Variants in AVL9 observed in about 807,000 individuals in gnomAD.
AVL9 encodes AVL9 cell migration associated.
Under a neutral mutation model 79.2 loss-of-function variants are expected in AVL9, and 49 were observed. That is an observed-to-expected ratio of 0.62 (90% confidence interval 0.49 to 0.79). AVL9 has a LOEUF of 0.79. AVL9 is among the 30% of genes least tolerant of loss of function. AVL9 has a pLI of 0.00. For synonymous variants in AVL9, 299 were observed against 280.6 expected (o/e 1.07, Z -0.65); for missense variants, 682 against 776.8 (o/e 0.88, Z 1.45).
chr7:32,545,854 G>A (rs1789471187), intron 3 of AVL9, among the ~76,000 whole-genome samples: 2 of 152,132 alleles, frequency 1.3e-5, no homozygotes, highest in Admixed American at 6.5e-5. Flanking sequence ...CTAAAGTAGT[G>A]AGTGGTTCTT....
chr7:32,505,090 T>A (rs1290344198), intron 1 of AVL9, among the ~76,000 whole-genome samples: 1 of 149,606 alleles, frequency 6.7e-6, no homozygotes, highest in Non-Finnish European at 1.5e-5. Context: ...GCCAGGCTGG[T>A]CTCGAACTCC....
chr7:32,508,501 T>G (rs1176763509), intron 1 of AVL9, among the ~76,000 whole-genome samples: 2 of 152,216 alleles, frequency 1.3e-5, no homozygotes, highest in African/African-American at 4.8e-5. Context: ...TTTCACATTG[T>G]TTTTTCCTAC....
At chr7:32,560,264 AAAC>A (rs150284543) in intron 10 of AVL9, among the ~76,000 whole-genome samples, 107,259 of 150,848 alleles carry the variant, frequency 0.71, 38,620 homozygotes, top group South Asian at 0.85. Flanking sequence ...TATTTTAAAA[AAAC>A]AACAAAGTGA....
chr7:32,554,689 G>C (rs1789983376), intron 8 of AVL9, 93 bp downstream of exon 8: 1 of 845,326 alleles, frequency 1.2e-6, no homozygotes, highest in South Asian at 2.5e-5. Context: ...TAATGATAAA[G>C]TATTAAGATA....
intron 10 of AVL9, among the ~76,000 whole-genome samples, chr7:32,561,480 A>G (rs957895532): frequency 2.0e-5 from 3 of 152,196 alleles, no homozygotes; most frequent in African/African-American, 7.2e-5. Flanking sequence ...CTCAGCTTTC[A>G]TATAATCGAA....
rs190391272 is a variant in AVL9 at position 32,543,495 on chromosome 7, G to A, written c.214+234G>A. ...TGGCCACGCTTCTGCCAAGTGATTA[G>A]CCAGAGCAGGACAGCCACCACTGGA... On this transcript the variant is annotated intron_variant, in intron 2 of 15. Transcript: ENST00000318709. Among the ~76,000 whole-genome samples, 1,019 of 152,318 alleles carry A rather than the reference G, an allele frequency of 6.7e-3. 10 individuals carry two copies. The highest frequency in any genetic ancestry group is 0.013 in the South Asian group (64 of 4,828).
intron 10 of AVL9, among the ~76,000 whole-genome samples, chr7:32,565,551 C>G (rs556903780): frequency 1.3e-3 from 138 of 104,554 alleles, no homozygotes; most frequent in Middle Eastern, 4.8e-3. Context: ...AAGAGCAAAA[C>G]TCCGTCTCAA....
intron 1 of AVL9, among the ~76,000 whole-genome samples, chr7:32,497,637 A>ATGTTGAC (rs11280911): frequency 0.35 from 52,817 of 149,040 alleles, 9,644 homozygotes; most frequent in East Asian, 0.48. Flanking sequence ...GCCGTGGGTC[A>ATGTTGAC]TGTTGACCAT....
chr7:32,525,336 C>G (rs1456000544), intron 1 of AVL9, among the ~76,000 whole-genome samples: 1 of 152,080 alleles, frequency 6.6e-6, no homozygotes, highest in East Asian at 1.9e-4. Context: ...GGTTATTTTA[C>G]CAAGACTTTC....
chr7:32,574,730 G>C (rs1791010683), intron 12 of AVL9, among the ~76,000 whole-genome samples: 1 of 12,178 alleles, frequency 8.2e-5, no homozygotes, highest in Non-Finnish European at 1.7e-4. Context: ...GTTCATAAGA[G>C]GCTTAGGTGG....
At chr7:32,546,188 T>C (rs990547306) in intron 3 of AVL9, among the ~76,000 whole-genome samples, 2 of 151,742 alleles carry the variant, frequency 1.3e-5, no homozygotes, top group African/African-American at 4.8e-5. Flanking sequence ...GAATAATTAG[T>C]AAATCTTTTT....
rs1422313546 is a variant in AVL9, at chr7:32,552,276, A to G, written c.510A>G (p.Glu170=). ...GTTCCTTGGGAGGTGCTTCATTAGA[A>G]GGATCCCAAGTATATCTTGGTAAGT... The part of the protein sequence containing the change: ...MNSSLGGASL[E]GSQVYLGLSP... Residue 170 remains glutamate, a synonymous_variant, in exon 6 of 16, where the codon GAA becomes GAG. Transcript: ENST00000318709. The G allele has an allele frequency of 2.5e-6, 4 of 1,602,018 alleles. No homozygotes were observed. Among genetic ancestry groups the G allele is most frequent in the East Asian group, 2.2e-5 (1 of 44,710 alleles).
intron 6 of AVL9, 79 bp from the exon 7 acceptor site, chr7:32,553,648 C>A: frequency 1.1e-6 from 1 of 943,296 alleles, no homozygotes; most frequent in Non-Finnish European, 1.6e-6. Flanking sequence ...ACCTTTCTTT[C>A]TGTTAAGGGG....
At position 32,584,730 on chromosome 7, in the gene AVL9, T is replaced by C. The variant is rs1360438117; in HGVS notation, c.*823T>C. The C allele has an allele frequency of 4.1e-5, 6 of 148,080 alleles. No homozygotes were observed. The highest frequency in any genetic ancestry group is 8.9e-5 in the Non-Finnish European group (6 of 67,372). 9.2% of individuals were successfully genotyped at this position (148,080 alleles called of 1,614,324 possible). A position where few individuals can be genotyped will look rare whatever the true frequency, so the allele number is the denominator to read the frequency against. On this transcript the variant is annotated 3_prime_UTR_variant, in exon 16 of 16. Coordinates refer to ENST00000318709, the MANE Select transcript of AVL9 (RefSeq NM_015060.3). ...TCATGTTGCAGTCTTACAAGCACTT[T>C]TTTTTTATTCCAGAGTTTGTGCCAT...
intron 1 of AVL9, among the ~76,000 whole-genome samples, chr7:32,508,466 A>G (rs1301213961): frequency 1.3e-5 from 2 of 152,240 alleles, no homozygotes; most frequent in African/African-American, 4.8e-5. Context: ...TAGTATTTCA[A>G]AGTTTCAATA....
Position 32,579,342 on chromosome 7 carries a change from ATATTT to A in AVL9, c.1689-873_1689-869del, listed in dbSNP as rs1369773898. 8.1e-4 allele frequency among the ~76,000 whole-genome samples: 54 copies of A among 66,916 alleles called. 3 individuals are homozygous for A. In the East Asian group the frequency reaches 0.018, roughly 22 times the overall value. 43.9% of individuals were successfully genotyped at this position (66,916 alleles called of 152,430 possible). A position where few individuals can be genotyped will look rare whatever the true frequency, so the allele number is the denominator to read the frequency against. On this transcript the variant is annotated intron_variant, in intron 13 of 15. Coordinates refer to ENST00000318709, the MANE Select transcript of AVL9 (RefSeq NM_015060.3). Reference sequence around the variant, plus strand: ...ATATTTTATATAATATATATAACACATATTTTATATAATATATAACATATATAATA... The same window carrying A: ...ATATTTTATATAATATATATAACACATATATAATATATAACATATATAATA...
At position 32,586,066 on chromosome 7, in the gene AVL9, G is replaced by A. The variant is rs1415805787; in HGVS notation, c.*2159G>A. The A allele has an allele frequency of 6.6e-6, 1 of 152,116 alleles. No homozygotes were observed. The highest frequency in any genetic ancestry group is 1.9e-4 in the East Asian group (1 of 5,180). The allele number at this position is 152,116 out of a possible 1,614,324, so 9.4% of individuals were successfully genotyped here. Reference sequence around the variant, plus strand: ...TGCTGATTTGTCTTTCAGTTGGTATGGTTTCTGTGATCGGGGTAAACTCCC... The same window carrying A: ...TGCTGATTTGTCTTTCAGTTGGTATAGTTTCTGTGATCGGGGTAAACTCCC... On this transcript the variant is annotated 3_prime_UTR_variant, in exon 16 of 16. Transcript: ENST00000318709.
intron 1 of AVL9, among the ~76,000 whole-genome samples, chr7:32,502,826 C>G (rs1008509794): frequency 2.0e-4 from 30 of 152,330 alleles, no homozygotes; most frequent in African/African-American, 6.7e-4. Context: ...GCACGTGGCT[C>G]TGACTTTGTT....
intron 1 of AVL9, among the ~76,000 whole-genome samples, chr7:32,519,122 T>C (rs890741975): frequency 6.6e-6 from 1 of 152,144 alleles, no homozygotes; most frequent in South Asian, 2.1e-4. Flanking sequence ...GAGTTCTAAT[T>C]TGACTTAAAG....
Sources: allele counts gnomAD v4.1 joint callset (sites outside exome capture counted in the v4.1 genomes callset), GRCh38; gene constraint gnomAD v4.1.1; transcripts MANE v1.5; gene names NCBI Gene and HGNC (gene_info 2026-07-23, HGNC 2026-07-21).